HP1BP3: variants seen among roughly 807,000 people sequenced by gnomAD.
HP1BP3 encodes the protein heterochromatin protein 1 binding protein 3, also known as heterochromatin protein 1-binding protein 3.
In HP1BP3, 12 loss-of-function variants were observed where a neutral mutation model predicts 62.5. The ratio of observed to expected loss-of-function variants is 0.19; its 90% CI spans 0.12 to 0.31. The LOEUF (loss-of-function observed/expected upper bound fraction) is 0.31, where lower values mean the gene tolerates loss of function less well. Among genes scored for constraint, HP1BP3 ranks in the 10% least tolerant of loss-of-function variants. The probability of loss-of-function intolerance (pLI) is 1.00; values close to 1 mark genes in which losing one functional copy is unlikely to be tolerated. For missense variants in HP1BP3, 502 were observed against 651.8 expected (o/e 0.77, Z 2.50); for synonymous variants, 260 against 237.8 (o/e 1.09, Z -0.86).
At chr1:20,769,836 G>GT (rs756812373) in intron 6 of HP1BP3, among the ~76,000 whole-genome samples, 9 of 152,184 alleles carry the variant, frequency 5.9e-5, no homozygotes, top group Non-Finnish European at 1.2e-4. Context: ...GAGACAAGAC[G>GT]TATCTGTGCA....
chr1:20,742,044 G>T lies in HP1BP3; in HGVS notation c.*2753C>A, dbSNP rs2055098200. Among the ~76,000 whole-genome samples, 1 of 152,182 alleles carries T rather than the reference G, an allele frequency of 6.6e-6. No individual in the cohort carries two copies. The highest frequency in any genetic ancestry group is 1.5e-5 in the Non-Finnish European group (1 of 68,036). On this transcript the variant is annotated 3_prime_UTR_variant, in exon 13 of 13. Coordinates refer to ENST00000438032, the MANE Select transcript of HP1BP3 (RefSeq NM_001372052.1). The stretch of plus-strand genomic sequence containing the variant: ...CACACTGAAACAAACTGTCCTTATA[G>T]TTAACAGAACGTTAGAGTTGGAAGA...
intron 9 of HP1BP3, among the ~76,000 whole-genome samples, chr1:20,755,757 A>G (rs1308058040): frequency 6.6e-6 from 1 of 152,152 alleles, no homozygotes; most frequent in African/African-American, 2.4e-5. Flanking sequence ...TCATCATCTC[A>G]TGAATGGATA....
chr1:20,759,334 C>T (rs1177902818), intron 8 of HP1BP3, among the ~76,000 whole-genome samples: 3 of 152,138 alleles, frequency 2.0e-5, no homozygotes, highest in Non-Finnish European at 4.4e-5. Context: ...ACCCAGGAGA[C>T]GGAGGTTGCG....
chr1:20,750,045 A>G, intron 9 of HP1BP3, 163 bp from the exon 10 acceptor site: 1 of 1,370,364 alleles, frequency 7.3e-7, no homozygotes, highest in East Asian at 2.7e-5. Flanking sequence ...TTCAACAGGT[A>G]TTCAATCTAA....
chr1:20,752,181 G>A (rs2055805197), intron 9 of HP1BP3, among the ~76,000 whole-genome samples: 1 of 151,966 alleles, frequency 6.6e-6, no homozygotes, highest in South Asian at 2.1e-4. Context: ...AGAATCGCTT[G>A]AACCCGGGAG....
intron 5 of HP1BP3, among the ~76,000 whole-genome samples, chr1:20,772,951 G>A (rs1030058787): frequency 8.5e-5 from 13 of 152,144 alleles, no homozygotes; most frequent in Admixed American, 7.9e-4. Context: ...TATTAACAGG[G>A]TTCAGGTGTG....
intron 10 of HP1BP3, 131 bp from the exon 11 acceptor site, chr1:20,747,786 A>G: frequency 1.6e-6 from 1 of 622,444 alleles, no homozygotes; most frequent in East Asian, 2.8e-5. Context: ...AGTGAATCCT[A>G]TGTGTTCAAA....
At chr1:20,777,165 G>A (rs189864927) in intron 3 of HP1BP3, among the ~76,000 whole-genome samples, 320 of 152,026 alleles carry the variant, frequency 2.1e-3, no homozygotes, top group African/African-American at 7.3e-3. Flanking sequence ...AATATGAGGG[G>A]AACATGGAGG....
rs1339509845 is a variant in HP1BP3, at chr1:20,740,583, A to G, written c.*4214T>C. Among the ~76,000 whole-genome samples, 3 of 152,240 alleles carry G rather than the reference A, an allele frequency of 2.0e-5. No homozygotes were observed. In the East Asian group the frequency reaches 5.8e-4, roughly 29 times the overall value. ...CGCCTGTAATCCTGGCACTTTGGAA[A>G]GCCCAGGTGGGAAGATCACGTGAGG... On this transcript the variant is annotated 3_prime_UTR_variant, in exon 13 of 13. Coordinates refer to ENST00000438032, the MANE Select transcript of HP1BP3 (RefSeq NM_001372052.1).
intron 8 of HP1BP3, among the ~76,000 whole-genome samples, chr1:20,760,674 T>C (rs561745106): frequency 6.6e-6 from 1 of 152,076 alleles, no homozygotes; most frequent in East Asian, 1.9e-4. Flanking sequence ...CTGTCTCTAC[T>C]AAAAATACAA....
intron 8 of HP1BP3, among the ~76,000 whole-genome samples, chr1:20,763,941 T>A (rs139093674): frequency 6.6e-6 from 1 of 152,154 alleles, no homozygotes; most frequent in South Asian, 2.1e-4. Flanking sequence ...TCTCACTCTG[T>A]CACCCAGGCT....
chr1:20,758,508 G>A (rs995606056), intron 8 of HP1BP3, among the ~76,000 whole-genome samples: 5 of 152,052 alleles, frequency 3.3e-5, no homozygotes, highest in Admixed American at 2.0e-4. Context: ...CACCACGCCC[G>A]GCTAATTTTT....
chr1:20,750,050 A>C, intron 9 of HP1BP3, 168 bp from the exon 10 acceptor site: 1 of 1,348,920 alleles, frequency 7.4e-7, no homozygotes, highest in Non-Finnish European at 9.7e-7. Flanking sequence ...CAGGTATTCA[A>C]TCTAACTGAG....
chr1:20,783,832 G>C (rs1012202459), intron 1 of HP1BP3, among the ~76,000 whole-genome samples: 1 of 142,052 alleles, frequency 7.0e-6, no homozygotes, highest in Admixed American at 7.0e-5. Flanking sequence ...CTTAATAAAA[G>C]TCAAAGTCAT....
intron 8 of HP1BP3, among the ~76,000 whole-genome samples, chr1:20,757,911 C>T (rs1274941958): frequency 1.3e-5 from 2 of 151,802 alleles, no homozygotes; most frequent in African/African-American, 4.8e-5. Context: ...TTTGGGAGGC[C>T]GAGGCGGGTG....
intron 8 of HP1BP3, among the ~76,000 whole-genome samples, chr1:20,759,477 C>T (rs1033287526): frequency 6.6e-6 from 1 of 152,168 alleles, no homozygotes; most frequent in African/African-American, 2.4e-5. Flanking sequence ...TTGAAAATTT[C>T]CAAAATAAAA....
Position 20,773,625 on chromosome 1 carries a change from A to G in HP1BP3, c.351-15T>C. The stretch of plus-strand genomic sequence containing the variant: ...GATCTTTCTCACTTTAAAACAAAGA[A>G]TTGTTATTATAGAAGATAAGCTCTC... On this transcript the variant is annotated splice_polypyrimidine_tract_variant and intron_variant, in intron 4 of 12. Transcript: ENST00000438032. 6.5e-7 allele frequency: 1 copy of G among 1,535,524 alleles called. No homozygotes were observed. Among genetic ancestry groups the G allele is most frequent in the Non-Finnish European group, 8.9e-7 (1 of 1,129,604 alleles).
intron 8 of HP1BP3, among the ~76,000 whole-genome samples, chr1:20,760,838 A>G (rs1222452005): frequency 1.3e-5 from 2 of 152,142 alleles, no homozygotes; most frequent in Non-Finnish European, 2.9e-5. Context: ...TCCTTCTCAA[A>G]TAAATAAATA....
intron 10 of HP1BP3, among the ~76,000 whole-genome samples, chr1:20,749,035 T>C (rs2055535195): frequency 6.6e-6 from 1 of 152,162 alleles, no homozygotes; most frequent in Non-Finnish European, 1.5e-5. Flanking sequence ...ATAATATAAG[T>C]AGTAAGTACT....
Sources: allele counts gnomAD v4.1 joint callset (sites outside exome capture counted in the v4.1 genomes callset), GRCh38; gene constraint gnomAD v4.1.1; transcripts MANE v1.5; gene names NCBI Gene and HGNC (gene_info 2026-07-23, HGNC 2026-07-21).